Variants in EIF4A1 observed in about 807,000 individuals in gnomAD.
EIF4A1 encodes the protein eukaryotic initiation factor 4A-I.
A neutral mutation model predicts 53.5 loss-of-function variants in EIF4A1; 11 were observed. The ratio of observed to expected loss-of-function variants is 0.21; its 90% CI spans 0.13 to 0.34. EIF4A1 has a LOEUF of 0.34. Ranked by LOEUF, EIF4A1 falls within the 10% of genes least tolerant of loss-of-function variation. EIF4A1 has a pLI of 1.00. For missense variants in EIF4A1, 213 were observed against 530.8 expected, an observed-to-expected ratio of 0.40 and a Z score of 5.88; for synonymous variants, 237 against 186.7, an observed-to-expected ratio of 1.27 and a Z score of -2.20.
chr17:7,572,828 A>G lies in EIF4A1; in HGVS notation c.-14A>G. ...TGTCGATAGGCGGGCACTCCGCCCT[A>G]GTTTCTAAGGATCATGTCTGCGAGC... On this transcript the variant is annotated 5_prime_UTR_variant, in exon 1 of 11. Coordinates refer to ENST00000293831, the MANE Select transcript of EIF4A1 (RefSeq NM_001416.4). 1.2e-6 allele frequency: 2 copies of G among 1,614,142 alleles called. No homozygotes were observed. Among genetic ancestry groups the G allele is most frequent in the East Asian group, 2.2e-5 (1 of 44,878 alleles).
chr17:7,578,098 A>ATAG (rs1421810909), intron 9 of EIF4A1, 67 bp from the exon 10 acceptor site: 2 of 1,608,306 alleles, frequency 1.2e-6, no homozygotes, highest in Non-Finnish European at 1.7e-6. Context: ...ATGGATGCCT[A>ATAG]AGTGTCTTCC....
rs774676775 is a variant in EIF4A1 at position 7,577,302 on chromosome 17, G to T, written c.625-42G>T. On this transcript the variant is annotated intron_variant, in intron 6 of 10. Coordinates refer to ENST00000293831, the MANE Select transcript of EIF4A1 (RefSeq NM_001416.4). The surrounding 1 kb of genome is among the most constrained non-coding windows in gnomAD (Gnocchi z 4.7). Reference sequence around the variant, plus strand: ...TGGCTAGGGAAGGGAGCAGGCCTCAGGAAGGAACCAGCACTCTAAGACTGG... The same window carrying T: ...TGGCTAGGGAAGGGAGCAGGCCTCATGAAGGAACCAGCACTCTAAGACTGG... 7 of 1,609,678 alleles carry T rather than the reference G, an allele frequency of 4.3e-6. No homozygotes were observed. The highest frequency in any genetic ancestry group is 5.1e-6 in the Non-Finnish European group (6 of 1,177,384).
rs551881527 is a variant in EIF4A1 at position 7,572,962 on chromosome 17, G to A, written c.23+98G>A. ...GCTGAGAGGCCCACCAGGGTTGCGG[G>A]AGAAACCGAACCGGGTGGGGGGAGG... is the stretch of plus-strand genomic sequence containing the variant. On this transcript the variant is annotated intron_variant, in intron 1 of 10. Transcript: ENST00000293831. 13 of 1,609,238 alleles carry A rather than the reference G, an allele frequency of 8.1e-6. No homozygotes were observed. In the South Asian group the frequency reaches 1.4e-4, roughly 18 times the overall value.
At chr17:7,576,455 A>G in intron 4 of EIF4A1, 69 bp from the exon 5 acceptor site, 5 of 1,479,736 alleles carry the variant, frequency 3.4e-6, no homozygotes, top group Non-Finnish European at 4.5e-6. Flanking sequence ...TCAATACATG[A>G]AAAACATTTA....
At position 7,577,069 on chromosome 17, in the gene EIF4A1, C is replaced by T. The variant is rs569334601; in HGVS notation, c.528C>T (p.Ile176=). The T allele has an allele frequency of 6.2e-7, 1 of 1,613,972 alleles. No individual in the cohort carries two copies. The highest frequency in any genetic ancestry group is 1.1e-5 in the South Asian group (1 of 91,000). The part of the protein sequence containing the change: ...LNRRYLSPKY[I]KMFVLDEADE... ...TTTCTTCTCTAGCCCCCAAATACATCAAGATGTTTGTACTGGATGAAGCTG... is the reference window on the plus strand; with the variant it reads ...TTTCTTCTCTAGCCCCCAAATACATTAAGATGTTTGTACTGGATGAAGCTG... Residue 176 remains isoleucine (I), a synonymous_variant, in exon 6 of 11, where the codon ATC becomes ATT. Transcript: ENST00000293831. This position sits in a 1 kb window ranked among gnomAD's most constrained non-coding sequence, Gnocchi z 4.7.
At chr17:7,574,472 T>G in intron 2 of EIF4A1, 74 bp from the exon 3 acceptor site, 1 of 1,604,328 alleles carries the variant, frequency 6.2e-7, no homozygotes, top group African/African-American at 1.3e-5. Flanking sequence ...GGCACCAGAT[T>G]CTGTTTGCTC....
At chr17:7,575,708 G>A (rs575114473) in intron 4 of EIF4A1, 1 of 288,550 alleles carries the variant, frequency 3.5e-6, no homozygotes, top group South Asian at 3.4e-5. Flanking sequence ...GTTTTTAAAT[G>A]TTCTGTGGCA....
rs773342840 is a variant in EIF4A1 at position 7,572,892 on chromosome 17, G to A, written c.23+28G>A. The A allele has an allele frequency of 7.6e-5, 122 of 1,614,028 alleles. 1 individual carries two copies. In the South Asian group the frequency reaches 1.3e-3, roughly 17 times the overall value. On this transcript the variant is annotated intron_variant, in intron 1 of 10. Coordinates refer to ENST00000293831, the MANE Select transcript of EIF4A1 (RefSeq NM_001416.4). ...AAGAAAGGCATTTGCAAGAGATTGTGGCTGCTTATTTTGCCGCCCCCTTCC... is the reference window on the plus strand; with the variant it reads ...AAGAAAGGCATTTGCAAGAGATTGTAGCTGCTTATTTTGCCGCCCCCTTCC...
chr17:7,572,963 A>T, intron 1 of EIF4A1, 99 bp downstream of exon 1: 1 of 1,608,336 alleles, frequency 6.2e-7, no homozygotes, highest in Non-Finnish European at 8.5e-7. Flanking sequence ...GGGTTGCGGG[A>T]GAAACCGAAC....
chr17:7,577,036 G>A lies in EIF4A1; in HGVS notation c.515-20G>A, dbSNP rs1215844010. 30 of 1,609,814 alleles carry A rather than the reference G, an allele frequency of 1.9e-5. No individual in the cohort carries two copies. The highest frequency in any genetic ancestry group is 2.4e-5 in the Non-Finnish European group (28 of 1,176,340). ...TTCCCTAATCATATGCTATATATTG[G>A]CTTTTTTTTTCTTCTCTAGCCCCCA... On this transcript the variant is annotated intron_variant, in intron 5 of 10. Coordinates refer to ENST00000293831, the MANE Select transcript of EIF4A1 (RefSeq NM_001416.4). This position sits in a 1 kb window ranked among gnomAD's most constrained non-coding sequence, Gnocchi z 4.7.
chr17:7,577,645 G>A lies in EIF4A1; in HGVS notation c.845G>A (p.Arg282Gln). The change falls in exon 8 of 11, where the codon CGG becomes CAG. Residue 282 changes from arginine to glutamine, a missense_variant. This residue lies in a region of EIF4A1 where 119 missense variants were observed against 351.0 expected (regional missense o/e 0.34). Coordinates refer to ENST00000293831, the MANE Select transcript of EIF4A1 (RefSeq NM_001416.4). The surrounding 1 kb of genome is among the most constrained non-coding windows in gnomAD (Gnocchi z 4.7). Reference sequence around the variant, plus strand: ...CAGGCAGTCATCTTCATCAACACCCGGAGGAAGGTGGACTGGCTCACCGAG... The same window carrying A: ...CAGGCAGTCATCTTCATCAACACCCAGAGGAAGGTGGACTGGCTCACCGAG... ...ITQAVIFINT[R>Q]RKVDWLTEKM... The A allele has an allele frequency of 1.2e-6, 2 of 1,612,530 alleles. No individual in the cohort carries two copies. Among genetic ancestry groups the A allele is most frequent in the Non-Finnish European group, 1.7e-6 (2 of 1,179,906 alleles).
At chr17:7,578,122 T>C in intron 9 of EIF4A1, 43 bp from the exon 10 acceptor site, 1 of 1,613,236 alleles carries the variant, frequency 6.2e-7, no homozygotes, top group Non-Finnish European at 8.5e-7. Context: ...CGGGATAGAG[T>C]GTCCTCCGTG....
intron 1 of EIF4A1, chr17:7,574,022 C>T: frequency 1.8e-6 from 1 of 542,736 alleles, no homozygotes; most frequent in South Asian, 2.4e-5. Flanking sequence ...GGCCTGTCTT[C>T]AGAAAGGGTC....
intron 1 of EIF4A1, chr17:7,573,858 C>T (rs995839938): frequency 1.2e-4 from 22 of 177,788 alleles, no homozygotes; most frequent in Middle Eastern, 2.5e-3. Context: ...GATGTCCTAC[C>T]CTCCGATCTG....
At position 7,578,221 on chromosome 17, in the gene EIF4A1, C is replaced by G; in HGVS notation, c.1053C>G (p.Thr351=). The change falls in exon 10 of 11, where the codon ACC becomes ACG. Residue 351 remains threonine, a synonymous_variant. Coordinates refer to ENST00000293831, the MANE Select transcript of EIF4A1 (RefSeq NM_001416.4). The stretch of plus-strand genomic sequence containing the variant: ...TAGTCATCAACTATGACCTTCCCAC[C>G]AACAGGGAAAACTATATCCACAGGT... ...VSLVINYDLP[T]NRENYIHRIG... 6.2e-7 allele frequency: 1 copy of G among 1,614,142 alleles called. No homozygotes were observed. The highest frequency in any genetic ancestry group is 8.5e-7 in the Non-Finnish European group (1 of 1,180,024).
At position 7,574,571 on chromosome 17, in the gene EIF4A1, G is replaced by A. The variant is rs779337219; in HGVS notation, c.98G>A (p.Ser33Asn). ...IESNWNEIVD[S>N]FDDMNLSESL... ...AGTAACTGGAATGAGATTGTTGACA[G>A]CTTTGATGACATGAACCTCTCGGAG... The change falls in exon 3 of 11, where the codon AGC becomes AAC. Residue 33 changes from serine (S) to asparagine (N), a missense_variant. Around this residue, in one of 4 missense-constraint regions of EIF4A1, gnomAD observed 119 missense variants for 351.0 expected, o/e 0.34. Transcript: ENST00000293831. 1 of 1,612,382 alleles carries A rather than the reference G, an allele frequency of 6.2e-7. No individual in the cohort carries two copies. Among genetic ancestry groups the A allele is most frequent in the African/African-American group, 1.3e-5 (1 of 74,948 alleles).
chr17:7,574,837 T>C (rs1292608706), intron 3 of EIF4A1, 159 bp downstream of exon 3: 4 of 1,271,756 alleles, frequency 3.1e-6, no homozygotes, highest in South Asian at 1.2e-5. Context: ...GTTCATGCCT[T>C]GGACACATAG....
rs151155828 is a variant in EIF4A1 at position 7,573,214 on chromosome 17, C to T, written c.23+350C>T. On this transcript the variant is annotated intron_variant, in intron 1 of 10. Transcript: ENST00000293831. ...GCCGCCACTATGTGTGGCCCAGAGC[C>T]GGCAGGTCCGGTTGCCTCCCTGTGC... 2,018 of 445,868 alleles carry T rather than the reference C, an allele frequency of 4.5e-3. 8 individuals are homozygous for T. The highest frequency in any genetic ancestry group is 5.6e-3 in the Non-Finnish European group (1,374 of 244,984). The allele number at this position is 445,868 out of a possible 1,614,324, so 27.6% of individuals were successfully genotyped here. A position where few individuals can be genotyped will look rare whatever the true frequency, so the allele number is the denominator to read the frequency against.
In EIF4A1 at chr17:7,577,081, A is replaced by G. The variant is rs371767370; in HGVS notation, c.540A>G (p.Val180=). 9.9e-6 allele frequency: 16 copies of G among 1,613,658 alleles called. No homozygotes were observed. The highest frequency in any genetic ancestry group is 1.3e-5 in the Non-Finnish European group (15 of 1,179,946). ...CCCCCAAATACATCAAGATGTTTGTACTGGATGAAGCTGACGAAATGTTAA... is the reference window on the plus strand; with the variant it reads ...CCCCCAAATACATCAAGATGTTTGTGCTGGATGAAGCTGACGAAATGTTAA... ...YLSPKYIKMF[V]LDEADEMLSR... is the part of the protein sequence containing the mutation. Residue 180 remains valine, a synonymous_variant, in exon 6 of 11, where the codon GTA becomes GTG. Coordinates refer to ENST00000293831, the MANE Select transcript of EIF4A1 (RefSeq NM_001416.4). This position sits in a 1 kb window ranked among gnomAD's most constrained non-coding sequence, Gnocchi z 4.7.
Sources: gnomAD v4.1 joint callset for allele counts on GRCh38, gnomAD v4.1.1 for gene constraint, gnomAD v4.1.1 regional missense constraint, Gnocchi (gnomAD v3.1) non-coding constraint, MANE v1.5 for transcripts, NCBI Gene and HGNC (gene_info 2026-07-23, HGNC 2026-07-21) for gene names.